Variants in USH2A observed in about 807,000 individuals in gnomAD.
The protein encoded by USH2A is Usher syndrome 2A (autosomal recessive, mild).
USH2A carries 443 observed loss-of-function variants against 538.9 expected under a neutral mutation model. The ratio of observed to expected loss-of-function variants is 0.82; its 90% confidence interval spans 0.76 to 0.89. The LOEUF is 0.89. USH2A is among the 40% of genes least tolerant of loss of function. The pLI is 0.00. For missense variants in USH2A, 6,633 were observed against 6,324.8 expected (o/e 1.05, Z -1.65); for synonymous variants, 2,413 against 2,273.5 (o/e 1.06, Z -1.75).
At chr1:216,417,868 A>G (rs1397987740) in intron 3 of USH2A, among the ~76,000 whole-genome samples, 1 of 152,070 alleles carries the variant, frequency 6.6e-6, no homozygotes, top group Non-Finnish European at 1.5e-5. Flanking sequence ...TGTGGCTTTA[A>G]CTGTATTGGG....
chr1:215,787,331 A>G (rs1245588580), intron 51 of USH2A, among the ~76,000 whole-genome samples: 1 of 152,222 alleles, frequency 6.6e-6, no homozygotes, highest in East Asian at 1.9e-4. Flanking sequence ...TAGAGAAAAT[A>G]AAGAATGTGA....
chr1:216,157,142 A>G (rs2033963979), intron 21 of USH2A, among the ~76,000 whole-genome samples: 1 of 152,140 alleles, frequency 6.6e-6, no homozygotes, highest in Admixed American at 6.6e-5. Flanking sequence ...AAAGTGCTGG[A>G]TTACAGGTGT....
chr1:215,759,186 T>C (rs983322048), intron 57 of USH2A, among the ~76,000 whole-genome samples: 2 of 152,182 alleles, frequency 1.3e-5, no homozygotes, highest in African/African-American at 4.8e-5. Context: ...TGATTTAAGA[T>C]ATGTTTTTGT....
intron 61 of USH2A, among the ~76,000 whole-genome samples, chr1:215,700,601 G>T (rs576031173): frequency 6.6e-6 from 1 of 152,196 alleles, no homozygotes; most frequent in Non-Finnish European, 1.5e-5. Context: ...ATGTAAAGGT[G>T]TTTATAGTAT....
intron 10 of USH2A, among the ~76,000 whole-genome samples, chr1:216,291,706 T>C (rs2037005115): frequency 6.6e-6 from 1 of 152,200 alleles, no homozygotes; most frequent in South Asian, 2.1e-4. Context: ...TATCATCGTC[T>C]CCATTTAATT....
At chr1:216,336,658 A>G (rs2037981044) in intron 4 of USH2A, among the ~76,000 whole-genome samples, 1 of 151,494 alleles carries the variant, frequency 6.6e-6, no homozygotes, top group African/African-American at 2.4e-5. Context: ...AAAGAAAATT[A>G]AATGGAAAAA....
intron 14 of USH2A, among the ~76,000 whole-genome samples, chr1:216,228,611 G>A (rs1289748942): frequency 1.3e-5 from 2 of 152,096 alleles, no homozygotes; most frequent in Non-Finnish European, 2.9e-5. Context: ...CATGTGAGAC[G>A]TGTCTTTCAC....
chr1:215,776,439 C>T lies in USH2A; in HGVS notation c.10939+3404G>A, dbSNP rs532599177. 7.2e-5 allele frequency among the ~76,000 whole-genome samples: 11 copies of T among 152,196 alleles called. No homozygotes were observed. In the South Asian group the frequency reaches 1.7e-3, roughly 23 times the overall value. ...ATGGATTTCACATGATGAGTGCATTCGCCACTATTCCCACAAAGCATTTAC... is the reference window on the plus strand; with the variant it reads ...ATGGATTTCACATGATGAGTGCATTTGCCACTATTCCCACAAAGCATTTAC... On this transcript the variant is annotated intron_variant, in intron 55 of 71. Coordinates refer to ENST00000307340, the MANE Select transcript of USH2A (RefSeq NM_206933.4).
intron 5 of USH2A, 49 bp downstream of exon 5, chr1:216,327,542 A>G: frequency 6.3e-7 from 1 of 1,594,668 alleles, no homozygotes; most frequent in Non-Finnish European, 8.6e-7. Context: ...AAGTGAATTC[A>G]GCATTTATCC....
At chr1:215,645,231 G>A (rs959226338) in intron 67 of USH2A, among the ~76,000 whole-genome samples, 11 of 152,142 alleles carry the variant, frequency 7.2e-5, no homozygotes, top group African/African-American at 1.9e-4. Context: ...GAGGTTTGGC[G>A]AAGGTGGAGA....
In USH2A at chr1:216,370,572, C is replaced by T. The variant is rs116602088; in HGVS notation, c.652-5487G>A. Among the ~76,000 whole-genome samples, 744 of 140,966 alleles carry T rather than the reference C, an allele frequency of 5.3e-3. 4 individuals are homozygous for T. The highest frequency in any genetic ancestry group is 0.019 in the African/African-American group (714 of 37,102). 92.5% of individuals were successfully genotyped at this position (140,966 alleles called of 152,430 possible). A position where few individuals can be genotyped will look rare whatever the true frequency, so the allele number is the denominator to read the frequency against. Reference sequence around the variant, plus strand: ...GCACGAGCCTGTAATCCGGGCTACTCGGGAGGCTGAAGCAGAGAGTTGCTA... The same window carrying T: ...GCACGAGCCTGTAATCCGGGCTACTTGGGAGGCTGAAGCAGAGAGTTGCTA... On this transcript the variant is annotated intron_variant, in intron 3 of 71. Transcript: ENST00000307340.
chr1:215,764,782 G>T (rs1287256022), intron 56 of USH2A, among the ~76,000 whole-genome samples: 1 of 152,018 alleles, frequency 6.6e-6, no homozygotes, highest in Non-Finnish European at 1.5e-5. Context: ...TAAAACAACA[G>T]AACTTAATGT....
Position 216,175,284 on chromosome 1 carries a change from C to G in USH2A, c.4595G>C (p.Ser1532Thr). The part of the protein sequence containing the change: ...FIGNGYCKFP[S>T]STHPVNTDFT... ...GTCTGTATTGACTGGGTGAGTGGAG[C>G]TGGGAAATTTACAATACCCATTTCC... The change falls in exon 21 of 72, where the codon AGC (serine) becomes ACC (threonine). Residue 1532 changes from serine (S) to threonine (T), a missense_variant. By Grantham distance (58) the Ser-to-Thr change is moderately conservative. Transcript: ENST00000307340. 2 of 1,613,704 alleles carry G rather than the reference C, an allele frequency of 1.2e-6. No homozygotes were observed. Among genetic ancestry groups the G allele is most frequent in the Non-Finnish European group, 1.7e-6 (2 of 1,179,830 alleles).
chr1:215,665,153 A>G (rs1199026543), intron 64 of USH2A, among the ~76,000 whole-genome samples: 1 of 152,204 alleles, frequency 6.6e-6, no homozygotes, highest in African/African-American at 2.4e-5. Flanking sequence ...TGGCAGCAAC[A>G]GTGAGGATCC....
At chr1:216,282,990 A>G (rs764272640) in intron 11 of USH2A, among the ~76,000 whole-genome samples, 59 of 152,218 alleles carry the variant, frequency 3.9e-4, no homozygotes, top group Middle Eastern at 3.4e-3. Flanking sequence ...CGTTTTCTTA[A>G]TTTTATTTTC....
At chr1:216,320,466 T>C (rs2037584286) in intron 9 of USH2A, among the ~76,000 whole-genome samples, 1 of 152,180 alleles carries the variant, frequency 6.6e-6, no homozygotes, top group Non-Finnish European at 1.5e-5. Flanking sequence ...GAACTGCTTT[T>C]CAGAATGACA....
In USH2A at chr1:216,364,965, G is replaced by T; in HGVS notation, c.772C>A (p.Gln258Lys). The T allele has an allele frequency of 6.2e-7, 1 of 1,613,464 alleles. No homozygotes were observed. Among genetic ancestry groups the T allele is most frequent in the Non-Finnish European group, 8.5e-7 (1 of 1,179,644 alleles). ...GTCAGAAACTTACCATTTAAACTCT[G>T]TCCTATTTGCACAGTACCAGATGCA... ...DFASGTVQIGQSLNGLEQFVG... is the reference protein window; with the variant it reads ...DFASGTVQIGKSLNGLEQFVG... Residue 258 changes from glutamine (Q) to lysine (K), a missense_variant, in exon 4 of 72, where the codon CAG (glutamine) becomes AAG (lysine). Transcript: ENST00000307340.
At chr1:216,186,416 CCTT>C (rs2034605247) in intron 20 of USH2A, among the ~76,000 whole-genome samples, 1 of 151,748 alleles carries the variant, frequency 6.6e-6, no homozygotes, top group African/African-American at 2.4e-5. Flanking sequence ...ACAATATTCT[CCTT>C]CTAGAATTCT....
intron 21 of USH2A, among the ~76,000 whole-genome samples, chr1:216,128,646 G>A (rs1446035332): frequency 6.6e-6 from 1 of 151,556 alleles, no homozygotes; most frequent in Non-Finnish European, 1.5e-5. Flanking sequence ...GATATTTATG[G>A]GCCACACGTG....
Sources: allele counts gnomAD v4.1 joint callset (sites outside exome capture counted in the v4.1 genomes callset), GRCh38; gene constraint gnomAD v4.1.1; transcripts MANE v1.5; gene names NCBI Gene and HGNC (gene_info 2026-07-23, HGNC 2026-07-21).